Variants in HYDIN observed in about 807,000 individuals in gnomAD.
HYDIN encodes axonemal central pair apparatus protein HYDIN.
In HYDIN, 132 loss-of-function variants were observed where a neutral mutation model predicts 403.9. The observed-to-expected ratio is 0.33, with a 90% CI of 0.28 to 0.38. HYDIN has a LOEUF of 0.38. Ranked by LOEUF, HYDIN falls within the 10% of genes least tolerant of loss-of-function variation. HYDIN has a pLI of 1.00. For missense variants in HYDIN, 2,827 were observed against 5,009.5 expected (o/e 0.56, Z 13.15); for synonymous variants, 1,202 against 1,891.7 (o/e 0.64, Z 9.46).
At chr16:70,943,982 T>A in intron 41 of HYDIN, 33 bp from the exon 42 acceptor site, 13 of 1,527,960 alleles carry the variant, frequency 8.5e-6, no homozygotes, top group Non-Finnish European at 1.2e-5. Context: ...GGAGTCAGAA[T>A]CTGGCCTTGT....
At chr16:71,026,921 T>C (rs1043616231) in intron 20 of HYDIN, among the ~76,000 whole-genome samples, 52 of 152,142 alleles carry the variant, frequency 3.4e-4, no homozygotes, top group Non-Finnish European at 6.2e-4. Context: ...ATTTCTCATC[T>C]ACAAGGTCTG....
At chr16:71,018,922 T>G (rs1202547301) in intron 22 of HYDIN, among the ~76,000 whole-genome samples, 397 of 13,224 alleles carry the variant, frequency 0.03, no homozygotes, top group Non-Finnish European at 0.043. Context: ...CACTGGGGGG[T>G]GGGGTTGGGG....
chr16:71,223,803 C>T (rs4538019), intron 1 of HYDIN, among the ~76,000 whole-genome samples: 5,502 of 152,028 alleles, frequency 0.036, 342 homozygotes, highest in African/African-American at 0.12. Context: ...CAAGAATGGC[C>T]ATAATTAAAA....
chr16:71,207,411 A>G (rs1258562675), intron 1 of HYDIN, among the ~76,000 whole-genome samples: 1 of 152,234 alleles, frequency 6.6e-6, no homozygotes, highest in African/African-American at 2.4e-5. Flanking sequence ...CTGCCTTACA[A>G]GAGCTCCTGA....
intron 47 of HYDIN, among the ~76,000 whole-genome samples, chr16:70,917,145 C>T (rs1027584289): frequency 2.0e-5 from 3 of 152,314 alleles, no homozygotes; most frequent in Admixed American, 6.5e-5. Context: ...TGGTCTCAAA[C>T]ATCTGGGCTC....
chr16:71,215,421 G>A (rs1331406579), intron 1 of HYDIN, among the ~76,000 whole-genome samples: 4 of 152,170 alleles, frequency 2.6e-5, no homozygotes, highest in Admixed American at 2.0e-4. Flanking sequence ...AAATATGATA[G>A]CACTATTTGA....
At chr16:71,047,840 T>C (rs1024247474) in intron 18 of HYDIN, among the ~76,000 whole-genome samples, 1 of 151,934 alleles carries the variant, frequency 6.6e-6, no homozygotes, top group Non-Finnish European at 1.5e-5. Context: ...TTTATCATTC[T>C]TTGGGTTGAC....
chr16:71,202,094 C>T (rs1357869147), intron 1 of HYDIN, among the ~76,000 whole-genome samples: 1 of 152,194 alleles, frequency 6.6e-6, no homozygotes, highest in Admixed American at 6.5e-5. Context: ...ATTCTGTCAA[C>T]ACCAGAGTCT....
At chr16:70,934,349 T>C (rs2077438755) in intron 45 of HYDIN, among the ~76,000 whole-genome samples, 1 of 152,012 alleles carries the variant, frequency 6.6e-6, no homozygotes, top group Non-Finnish European at 1.5e-5. Flanking sequence ...TTTTTCATTT[T>C]AAAGGTGGGT....
chr16:70,870,388 G>A (rs905093684), intron 65 of HYDIN, among the ~76,000 whole-genome samples: 3 of 151,816 alleles, frequency 2.0e-5, no homozygotes, highest in African/African-American at 7.3e-5. Flanking sequence ...CAGACCCAGA[G>A]GCCTGGGAGG....
intron 45 of HYDIN, chr16:70,933,622 T>C (rs2077416014): frequency 6.5e-6 from 1 of 154,586 alleles, no homozygotes; most frequent in South Asian, 2.0e-4. Flanking sequence ...GTGATGATCA[T>C]ATCTCCCTCA....
At chr16:71,029,589 C>T (rs984842772) in intron 19 of HYDIN, among the ~76,000 whole-genome samples, 4 of 115,384 alleles carry the variant, frequency 3.5e-5, no homozygotes, top group African/African-American at 1.4e-4. Flanking sequence ...AAACTAGAAG[C>T]ACTGGTATGC....
chr16:71,208,967 C>T (rs2088440698), intron 1 of HYDIN, among the ~76,000 whole-genome samples: 1 of 152,028 alleles, frequency 6.6e-6, no homozygotes, highest in African/African-American at 2.4e-5. Context: ...GCCAGATGTA[C>T]AAAGAAGAAT....
chr16:70,872,873 C>A (rs1002739805), intron 64 of HYDIN, among the ~76,000 whole-genome samples: 3 of 150,914 alleles, frequency 2.0e-5, no homozygotes, highest in African/African-American at 7.3e-5. Context: ...ATCCATCATC[C>A]ACCCATCCAT....
At chr16:71,203,947 C>T in intron 1 of HYDIN, 2 of 368,274 alleles carry the variant, frequency 5.4e-6, no homozygotes, top group South Asian at 2.1e-5. Context: ...CACCTTTAGT[C>T]CCGGCTACTT....
intron 10 of HYDIN, among the ~76,000 whole-genome samples, chr16:71,102,906 C>A (rs1293719103): frequency 2.0e-5 from 3 of 149,802 alleles, no homozygotes; most frequent in African/African-American, 7.5e-5. Flanking sequence ...TAATTCATGT[C>A]TAAAATTGTA....
intron 83 of HYDIN, among the ~76,000 whole-genome samples, chr16:70,821,937 C>T (rs1433794167): frequency 8.5e-5 from 13 of 152,072 alleles, no homozygotes; most frequent in Non-Finnish European, 1.9e-4. Context: ...CAAAATATTA[C>T]TTCTCTTTAA....
intron 6 of HYDIN, among the ~76,000 whole-genome samples, chr16:71,153,484 A>G (rs553848840): frequency 1.3e-4 from 20 of 151,970 alleles, no homozygotes; most frequent in Non-Finnish European, 2.2e-4. Flanking sequence ...GGCCTAAGAG[A>G]AGGCTGCCTT....
intron 1 of HYDIN, among the ~76,000 whole-genome samples, chr16:71,226,462 C>A (rs983335545): frequency 1.3e-5 from 2 of 152,044 alleles, no homozygotes; most frequent in Non-Finnish European, 2.9e-5. Flanking sequence ...ACATGTGAAA[C>A]CCAAAGCTAT....
Sources: gnomAD v4.1 joint callset for allele counts (sites outside exome capture counted in the v4.1 genomes callset) on GRCh38, gnomAD v4.1.1 for gene constraint, MANE v1.5 for transcripts, NCBI Gene and HGNC (gene_info 2026-07-23, HGNC 2026-07-21) for gene names.